The following ZHX3 variants were observed in gnomAD, a reference collection of about 807,000 sequenced individuals.
ZHX3 encodes zinc fingers and homeoboxes protein 3.
A neutral mutation model predicts 64.5 loss-of-function variants in ZHX3; 20 were observed. That is an observed-to-expected ratio of 0.31 (90% CI 0.22 to 0.45). The LOEUF (loss-of-function observed/expected upper bound fraction) is 0.45, where lower values mean the gene tolerates loss of function less well. Among genes scored for constraint, ZHX3 ranks in the 20% least tolerant of loss-of-function variants. ZHX3 has a pLI of 1.00. For missense variants in ZHX3, 1,041 were observed against 1,195.8 expected (o/e 0.87, Z 1.91); for synonymous variants, 423 against 461.6 (o/e 0.92, Z 1.07).
At chr20:41,288,876 T>C (rs1199969283) in intron 1 of ZHX3, among the ~76,000 whole-genome samples, 1 of 152,246 alleles carries the variant, frequency 6.6e-6, no homozygotes, top group Non-Finnish European at 1.5e-5. Flanking sequence ...ATTCATTTAA[T>C]TGTATGTGTT....
intron 1 of ZHX3, among the ~76,000 whole-genome samples, chr20:41,273,327 C>A (rs551586262): frequency 5.8e-4 from 89 of 152,256 alleles, no homozygotes; most frequent in Admixed American, 1.4e-3. Flanking sequence ...TGCCTTTCCA[C>A]TTACTTGATA....
chr20:41,315,288 T>C (rs1418599551), intron 1 of ZHX3, among the ~76,000 whole-genome samples: 1 of 150,236 alleles, frequency 6.7e-6, no homozygotes, highest in East Asian at 2.0e-4. Flanking sequence ...GTTCAAGCAA[T>C]TCTCCTGCCT....
At chr20:41,188,477 A>G (rs2146119333) in intron 3 of ZHX3, 1 of 131,244 alleles carries the variant, frequency 7.6e-6, no homozygotes, top group East Asian at 2.4e-4. Flanking sequence ...TGGCACAACC[A>G]CGGCTCACTG....
chr20:41,260,952 T>C (rs1298092085), intron 2 of ZHX3, among the ~76,000 whole-genome samples: 1 of 152,200 alleles, frequency 6.6e-6, no homozygotes, highest in Non-Finnish European at 1.5e-5. Flanking sequence ...TGCCTAAGAA[T>C]GCACAGGCAA....
chr20:41,286,360 T>C (rs2043935630), intron 1 of ZHX3, among the ~76,000 whole-genome samples: 2 of 152,248 alleles, frequency 1.3e-5, no homozygotes, highest in South Asian at 2.1e-4. Flanking sequence ...GATCTACTGA[T>C]AGTTTAACTT....
intron 2 of ZHX3, chr20:41,239,852 T>C (rs2041264832): frequency 1.3e-5 from 2 of 152,224 alleles, no homozygotes; most frequent in Non-Finnish European, 2.9e-5. Context: ...TTTTATCGTT[T>C]AACAAAGACA....
chr20:41,192,138 C>T (rs1421806078), intron 3 of ZHX3, among the ~76,000 whole-genome samples: 1 of 152,166 alleles, frequency 6.6e-6, no homozygotes, highest in African/African-American at 2.4e-5. Context: ...GCAGTGGCTG[C>T]AACAGGCTGG....
In ZHX3 at chr20:41,202,031, A is replaced by G. The variant is rs781463351; in HGVS notation, c.2860+26T>C. 15 of 1,551,600 alleles carry G rather than the reference A, an allele frequency of 9.7e-6. No individual in the cohort carries two copies. Among genetic ancestry groups the G allele is most frequent in the Non-Finnish European group, 1.3e-5 (15 of 1,149,008 alleles). On this transcript the variant is annotated intron_variant, in intron 3 of 3. Coordinates refer to ENST00000683867, the MANE Select transcript of ZHX3 (RefSeq NM_001384317.1). The surrounding 1 kb of genome is among the most constrained non-coding windows in gnomAD (Gnocchi z 7.0). ...CCTCCTCCCCTTACCCACACAGGAT[A>G]GCCATGGCCCCTGTGGACTCCTTAC...
chr20:41,289,247 T>C (rs1399475092), intron 1 of ZHX3, among the ~76,000 whole-genome samples: 2 of 151,994 alleles, frequency 1.3e-5, no homozygotes, highest in Non-Finnish European at 2.9e-5. Context: ...GCAATCCCCC[T>C]GCCTCAGCCT....
At chr20:41,233,407 A>G (rs2040758112) in intron 2 of ZHX3, among the ~76,000 whole-genome samples, 1 of 152,206 alleles carries the variant, frequency 6.6e-6, no homozygotes. Flanking sequence ...TAAGTACAAA[A>G]GACATTCAAT....
At chr20:41,301,799 A>T (rs1314214968) in intron 1 of ZHX3, among the ~76,000 whole-genome samples, 1 of 152,076 alleles carries the variant, frequency 6.6e-6, no homozygotes, top group Non-Finnish European at 1.5e-5. Context: ...TCACGCCTGT[A>T]ATCCCAGCAC....
chr20:41,288,283 G>C (rs562043127), intron 1 of ZHX3, among the ~76,000 whole-genome samples: 3 of 152,226 alleles, frequency 2.0e-5, no homozygotes, highest in African/African-American at 7.2e-5. Flanking sequence ...GCATCCCAAA[G>C]TGGTGGAATT....
intron 2 of ZHX3, among the ~76,000 whole-genome samples, chr20:41,227,775 ATATTGGCTGGTTATTTGT>A: frequency 6.6e-6 from 1 of 152,220 alleles, no homozygotes; most frequent in Non-Finnish European, 1.5e-5. Flanking sequence ...TTGTTATTAC[ATATTGGCTGGTTATTTGT>A]TATTGGTTGT....
At chr20:41,210,174 G>A (rs924052000) in intron 2 of ZHX3, among the ~76,000 whole-genome samples, 3 of 152,156 alleles carry the variant, frequency 2.0e-5, no homozygotes, top group South Asian at 2.1e-4. Context: ...TTAGAATGGC[G>A]ACCATTAAAA....
In ZHX3 at chr20:41,203,701, T is replaced by A; in HGVS notation, c.1216A>T (p.Ile406Phe). 1 of 1,614,144 alleles carries A rather than the reference T, an allele frequency of 6.2e-7. No homozygotes were observed. The highest frequency in any genetic ancestry group is 1.3e-5 in the African/African-American group (1 of 75,038). Reference protein sequence around the residue: ...VASAGNVQHLIQAALPGHVVG... With the variant: ...VASAGNVQHLFQAALPGHVVG... ...ACGTGACCTGGAAGAGCGGCCTGGA[T>A]GAGATGCTGGACATTGCCAGCACTG... Residue 406 changes from isoleucine to phenylalanine, a missense_variant, in exon 3 of 4, where the codon ATC (isoleucine) becomes TTC (phenylalanine). By Grantham distance (21) the Ile-to-Phe change is conservative (BLOSUM62 0). Around this residue, in one of 4 missense-constraint regions of ZHX3, gnomAD observed 649 missense variants for 739.8 expected, o/e 0.88. Coordinates refer to ENST00000683867, the MANE Select transcript of ZHX3 (RefSeq NM_001384317.1). This position sits in a 1 kb window ranked among gnomAD's most constrained non-coding sequence, Gnocchi z 7.1.
intron 2 of ZHX3, among the ~76,000 whole-genome samples, chr20:41,247,185 C>T (rs2041747620): frequency 6.6e-6 from 1 of 151,424 alleles, no homozygotes; most frequent in South Asian, 2.1e-4. Flanking sequence ...GGAGGATTGC[C>T]TGAACCCAGG....
In ZHX3 at chr20:41,276,294, A is replaced by C. The variant is rs147299959; in HGVS notation, c.-244-7211T>G. 2.8e-3 allele frequency among the ~76,000 whole-genome samples: 424 copies of C among 152,258 alleles called. 3 individuals are homozygous for C. The highest frequency in any genetic ancestry group is 0.016 in the South Asian group (75 of 4,820). On this transcript the variant is annotated intron_variant, in intron 1 of 3. Coordinates refer to ENST00000683867, the MANE Select transcript of ZHX3 (RefSeq NM_001384317.1). ...TAAATGTAGCTCATGTTGGAAAAGCAGTCAGGGAAGTACTTTAAGAGTATA... is the reference window on the plus strand; with the variant it reads ...TAAATGTAGCTCATGTTGGAAAAGCCGTCAGGGAAGTACTTTAAGAGTATA...
At chr20:41,301,273 A>G (rs1034343758) in intron 1 of ZHX3, among the ~76,000 whole-genome samples, 3 of 151,566 alleles carry the variant, frequency 2.0e-5, no homozygotes, top group African/African-American at 7.3e-5. Context: ...TGGCCTCCCC[A>G]CTACCCATTC....
In ZHX3 at chr20:41,201,482, A is replaced by G. The variant is rs2235367; in HGVS notation, c.2860+575T>C. The G allele has an allele frequency of 0.51, 436,812 of 858,800 alleles. 114,554 individuals carry two copies. Among genetic ancestry groups the G allele is most frequent in the East Asian group, 0.81 (12,772 of 15,676 alleles). 53.2% of individuals were successfully genotyped at this position (858,800 alleles called of 1,614,324 possible). The stretch of plus-strand genomic sequence containing the variant: ...TATGATACATTTTGCTTTCGAGTAC[A>G]ATCCAGAGAAACTGAGGAACAAAAT... On this transcript the variant is annotated intron_variant, in intron 3 of 3. Coordinates refer to ENST00000683867, the MANE Select transcript of ZHX3 (RefSeq NM_001384317.1). This position sits in a 1 kb window ranked among gnomAD's most constrained non-coding sequence, Gnocchi z 5.0.
Sources: allele counts gnomAD v4.1 joint callset (sites outside exome capture counted in the v4.1 genomes callset), GRCh38; gene constraint gnomAD v4.1.1; regional missense constraint gnomAD v4.1.1; non-coding constraint Gnocchi (gnomAD v3.1); transcripts MANE v1.5; gene names NCBI Gene and HGNC (gene_info 2026-07-23, HGNC 2026-07-21).